The following MINDY3 variants were observed in gnomAD, a reference collection of about 807,000 sequenced individuals.
The protein encoded by MINDY3 is ubiquitin carboxyl-terminal hydrolase MINDY-3.
MINDY3 carries 38 observed loss-of-function variants against 69.2 expected under a neutral mutation model. The ratio of observed to expected loss-of-function variants is 0.55; its 90% CI spans 0.42 to 0.72. The LOEUF (loss-of-function observed/expected upper bound fraction) is 0.72, where lower values mean the gene tolerates loss of function less well. MINDY3 is among the 30% of genes least tolerant of loss of function. The pLI, the probability that MINDY3 is intolerant of heterozygous loss-of-function variation, is 0.00. For missense variants in MINDY3, 522 were observed against 519.0 expected (o/e 1.01, Z -0.06); for synonymous variants, 192 against 180.1 (o/e 1.07, Z -0.53).
intron 7 of MINDY3, 52 bp downstream of exon 7, chr10:15,834,491 G>C: frequency 1.5e-6 from 2 of 1,302,666 alleles, no homozygotes. Flanking sequence ...CTGAAGTCAA[G>C]TTTCTAAAAA....
rs546189756 is a variant in MINDY3 at position 15,791,784 on chromosome 10, A to G, written c.956-2465T>C. On this transcript the variant is annotated intron_variant, in intron 11 of 14. Coordinates refer to ENST00000277632, the MANE Select transcript of MINDY3 (RefSeq NM_024948.4). ...GAAAGTGAGGCATGTAATTTCCTGG[A>G]TAAGATAACTATTTCATAACTGGGA... 1.1e-3 allele frequency among the ~76,000 whole-genome samples: 165 copies of G among 152,280 alleles called. 1 individual carries two copies. The highest frequency in any genetic ancestry group is 3.8e-3 in the African/African-American group (156 of 41,574).
chr10:15,846,884 C>T (rs529114095), intron 2 of MINDY3, among the ~76,000 whole-genome samples: 37 of 151,968 alleles, frequency 2.4e-4, no homozygotes, highest in South Asian at 2.1e-4. Flanking sequence ...CCACCACGCC[C>T]GGCTAGTTTT....
At chr10:15,820,982 T>A (rs1312300895) in intron 9 of MINDY3, among the ~76,000 whole-genome samples, 1 of 152,168 alleles carries the variant, frequency 6.6e-6, no homozygotes, top group Non-Finnish European at 1.5e-5. Context: ...GAAAACTAGA[T>A]CTACTTCTTT....
chr10:15,779,680 T>C (rs1469821856), intron 14 of MINDY3, among the ~76,000 whole-genome samples: 2 of 152,158 alleles, frequency 1.3e-5, no homozygotes, highest in Non-Finnish European at 1.5e-5. Flanking sequence ...GTATTAAATA[T>C]TCCTGAAATG....
intron 10 of MINDY3, among the ~76,000 whole-genome samples, chr10:15,815,147 A>G (rs940396686): frequency 6.6e-6 from 1 of 152,216 alleles, no homozygotes; most frequent in African/African-American, 2.4e-5. Flanking sequence ...CTTTTATGGT[A>G]ATTTATAAAA....
Position 15,778,972 on chromosome 10 carries a change from C to T in MINDY3, c.*20G>A. 3 of 1,603,684 alleles carry T rather than the reference C, an allele frequency of 1.9e-6. No individual in the cohort carries two copies. The highest frequency in any genetic ancestry group is 1.7e-6 in the Non-Finnish European group (2 of 1,173,504). On this transcript the variant is annotated 3_prime_UTR_variant, in exon 15 of 15. Transcript: ENST00000277632. ...TTCAACATCTGTTATTAAGATCTTCCTTATAAATACTTAGACAAATTAATT... is the reference window on the plus strand; with the variant it reads ...TTCAACATCTGTTATTAAGATCTTCTTTATAAATACTTAGACAAATTAATT...
intron 8 of MINDY3, among the ~76,000 whole-genome samples, chr10:15,825,709 C>G (rs1184713312): frequency 1.3e-5 from 2 of 152,170 alleles, no homozygotes; most frequent in Non-Finnish European, 2.9e-5. Context: ...TATATATTTA[C>G]CGTGTACAAC....
In MINDY3 at chr10:15,837,193, C is replaced by G; in HGVS notation, c.576+11G>C. 1 of 1,498,782 alleles carries G rather than the reference C, an allele frequency of 6.7e-7. No homozygotes were observed. The highest frequency in any genetic ancestry group is 1.4e-5 in the African/African-American group (1 of 71,202). 92.8% of individuals were successfully genotyped at this position (1,498,782 alleles called of 1,614,324 possible). A position where few individuals can be genotyped will look rare whatever the true frequency, so the allele number is the denominator to read the frequency against. Reference sequence around the variant, plus strand: ...TAATCAAAGGCAGAAAAATCATCTTCTTGAACACACCTTTGTCAGTAATAC... The same window carrying G: ...TAATCAAAGGCAGAAAAATCATCTTGTTGAACACACCTTTGTCAGTAATAC... On this transcript the variant is annotated intron_variant, in intron 6 of 14. Transcript: ENST00000277632.
intron 10 of MINDY3, among the ~76,000 whole-genome samples, chr10:15,799,442 C>A (rs773948462): frequency 5.9e-5 from 9 of 152,126 alleles, no homozygotes; most frequent in Non-Finnish European, 1.0e-4. Flanking sequence ...CATGATCCAC[C>A]CACCTCAGGT....
intron 11 of MINDY3, among the ~76,000 whole-genome samples, chr10:15,790,234 G>A (rs907693358): frequency 6.6e-6 from 1 of 152,096 alleles, no homozygotes; most frequent in Non-Finnish European, 1.5e-5. Context: ...AGAAAGGAAT[G>A]AAGTTATGAT....
intron 10 of MINDY3, among the ~76,000 whole-genome samples, chr10:15,802,810 T>TAA (rs571339721): frequency 7.0e-6 from 1 of 142,420 alleles, no homozygotes; most frequent in Admixed American, 7.0e-5. Flanking sequence ...TCTTGAACAA[T>TAA]AAAAAAAAAA....
intron 8 of MINDY3, among the ~76,000 whole-genome samples, chr10:15,822,797 A>C (rs1839857472): frequency 6.6e-6 from 1 of 152,156 alleles, no homozygotes; most frequent in African/African-American, 2.4e-5. Context: ...AAGTTATGGA[A>C]GTGGGTAAGT....
intron 6 of MINDY3, among the ~76,000 whole-genome samples, chr10:15,835,831 C>G (rs916186175): frequency 2.5e-4 from 38 of 152,128 alleles, no homozygotes; most frequent in African/African-American, 9.1e-4. Flanking sequence ...TAAATATACT[C>G]CTTTTGTTTT....
chr10:15,844,805 G>C (rs983311375), intron 2 of MINDY3, among the ~76,000 whole-genome samples: 7 of 152,092 alleles, frequency 4.6e-5, no homozygotes, highest in Non-Finnish European at 7.4e-5. Context: ...TACATGCACT[G>C]GCAATTGTAA....
chr10:15,806,380 C>T (rs1486249123), intron 10 of MINDY3, among the ~76,000 whole-genome samples: 1 of 152,110 alleles, frequency 6.6e-6, no homozygotes, highest in Non-Finnish European at 1.5e-5. Flanking sequence ...TGTGTCTACT[C>T]AATACCAATA....
At chr10:15,824,499 G>A (rs999470735) in intron 8 of MINDY3, among the ~76,000 whole-genome samples, 1 of 152,170 alleles carries the variant, frequency 6.6e-6, no homozygotes, top group Non-Finnish European at 1.5e-5. Context: ...TAAAGGGCAT[G>A]AGATTAAAAG....
At chr10:15,782,039 A>G (rs1836577380) in intron 14 of MINDY3, 116 bp downstream of exon 14, 1 of 774,904 alleles carries the variant, frequency 1.3e-6, no homozygotes, top group African/African-American at 1.8e-5. Flanking sequence ...CTCATAGTAA[A>G]GAGACTCCTG....
chr10:15,838,266 G>C lies in MINDY3; in HGVS notation c.423C>G (p.Val141=). 1 of 1,602,180 alleles carries C rather than the reference G, an allele frequency of 6.2e-7. No homozygotes were observed. The highest frequency in any genetic ancestry group is 8.5e-7 in the Non-Finnish European group (1 of 1,175,336). Reference sequence around the variant, plus strand: ...GAAATCGCTCAAAGCCAAGCTCTTCGACAGCCAAGGCAGCTATACATAAAA... The same window carrying C: ...GAAATCGCTCAAAGCCAAGCTCTTCCACAGCCAAGGCAGCTATACATAAAA... The part of the protein sequence containing the change: ...CQVEHSSALA[V]EELGFERFHA... The change falls in exon 5 of 15, where the codon GTC becomes GTG. Residue 141 remains valine (V), a synonymous_variant. Transcript: ENST00000277632.
chr10:15,784,873 T>C (rs1836834158), intron 13 of MINDY3, among the ~76,000 whole-genome samples: 1 of 152,140 alleles, frequency 6.6e-6, no homozygotes, highest in South Asian at 2.1e-4. Flanking sequence ...CAGTGGTATG[T>C]AGGGCATGAT....
Sources: allele counts gnomAD v4.1 joint callset (sites outside exome capture counted in the v4.1 genomes callset), GRCh38; gene constraint gnomAD v4.1.1; transcripts MANE v1.5; gene names NCBI Gene and HGNC (gene_info 2026-07-23, HGNC 2026-07-21).